CTNNA2: variants seen among roughly 807,000 people sequenced by gnomAD.
The protein encoded by CTNNA2 is catenin alpha-2.
CTNNA2 carries 42 observed loss-of-function variants against 101.0 expected under a neutral mutation model. That is an observed-to-expected ratio of 0.42 (90% CI 0.32 to 0.54). The LOEUF (loss-of-function observed/expected upper bound fraction) is 0.54, where lower values mean the gene tolerates loss of function less well. Among genes scored for constraint, CTNNA2 ranks in the 20% least tolerant of loss-of-function variants. The pLI, the probability that CTNNA2 is intolerant of heterozygous loss-of-function variation, is 0.14. For synonymous variants in CTNNA2, 450 were observed against 456.4 expected (o/e 0.99, Z 0.18); for missense variants, 871 against 1,223.1 (o/e 0.71, Z 4.29).
At chr2:79,592,070 C>G (rs1676892480) in intron 1 of CTNNA2, among the ~76,000 whole-genome samples, 1 of 150,906 alleles carries the variant, frequency 6.6e-6, no homozygotes, top group Non-Finnish European at 1.5e-5. Context: ...GTCTCACTCA[C>G]ACTTTTCTGA....
rs1487263528 is a variant in CTNNA2 at position 80,648,729 on chromosome 2, A to G, written c.*857A>G. The G allele has an allele frequency of 6.6e-6, 1 of 152,144 alleles. No individual in the cohort carries two copies. Among genetic ancestry groups the G allele is most frequent in the Non-Finnish European group, 1.5e-5 (1 of 68,028 alleles). 9.4% of individuals were successfully genotyped at this position (152,144 alleles called of 1,614,324 possible). A position where few individuals can be genotyped will look rare whatever the true frequency, so the allele number is the denominator to read the frequency against. On this transcript the variant is annotated 3_prime_UTR_variant, in exon 19 of 19. Coordinates refer to ENST00000402739, the MANE Select transcript of CTNNA2 (RefSeq NM_001282597.3). ...GGTGTAGCTTGGAGTGCTGGTATCTAATATACCATTGTATTCACTAACTAA... is the reference window on the plus strand; with the variant it reads ...GGTGTAGCTTGGAGTGCTGGTATCTGATATACCATTGTATTCACTAACTAA...
chr2:80,525,340 T>G (rs1689942091), intron 9 of CTNNA2, among the ~76,000 whole-genome samples: 1 of 151,974 alleles, frequency 6.6e-6, no homozygotes, highest in South Asian at 2.1e-4. Flanking sequence ...ATAGGGCAGG[T>G]CCCGGAAGTC....
At chr2:79,379,448 GC>G (rs1400734327) in intron 4 of CTNNA2, among the ~76,000 whole-genome samples, 6 of 152,108 alleles carry the variant, frequency 3.9e-5, no homozygotes, top group Non-Finnish European at 8.8e-5. Flanking sequence ...CCACCATAGG[GC>G]CTTTATCATA....
At chr2:79,579,884 G>C (rs2566548) in intron 1 of CTNNA2, among the ~76,000 whole-genome samples, 93,260 of 151,806 alleles carry the variant, frequency 0.61, 30,229 homozygotes, top group Middle Eastern at 0.75. Context: ...AAAGTGCCGG[G>C]ATTACAGGTG....
At chr2:80,348,474 T>C (rs1357181336) in intron 7 of CTNNA2, among the ~76,000 whole-genome samples, 1 of 152,174 alleles carries the variant, frequency 6.6e-6, no homozygotes, top group Non-Finnish European at 1.5e-5. Context: ...AATAACTGCC[T>C]AAATTGCACA....
chr2:79,413,601 A>G (rs559218179), intron 4 of CTNNA2, among the ~76,000 whole-genome samples: 1 of 152,200 alleles, frequency 6.6e-6, no homozygotes, highest in South Asian at 2.1e-4. Flanking sequence ...GCTGAGTCAC[A>G]TAGTAGTTCT....
At chr2:79,570,501 C>T (rs1675397400) in intron 1 of CTNNA2, among the ~76,000 whole-genome samples, 1 of 152,158 alleles carries the variant, frequency 6.6e-6, no homozygotes, top group Middle Eastern at 3.4e-3. Flanking sequence ...AGAATCTGTA[C>T]ATGAAATTTG....
At chr2:80,005,638 A>G (rs418174) in intron 7 of CTNNA2, among the ~76,000 whole-genome samples, 94,219 of 151,660 alleles carry the variant, frequency 0.62, 30,410 homozygotes, top group East Asian at 0.76. Flanking sequence ...TAGATCAGCT[A>G]TGGGGAAGGG....
At chr2:79,853,943 C>CA (rs5832412) in intron 3 of CTNNA2, among the ~76,000 whole-genome samples, 39,446 of 151,950 alleles carry the variant, frequency 0.26, 5,427 homozygotes, top group Non-Finnish European at 0.31. Flanking sequence ...GCTGGGATTA[C>CA]AGGTGTGAGC....
intron 7 of CTNNA2, among the ~76,000 whole-genome samples, chr2:80,055,165 T>C (rs1418515196): frequency 6.6e-6 from 1 of 152,090 alleles, no homozygotes; most frequent in Non-Finnish European, 1.5e-5. Flanking sequence ...TAGCTGCGAC[T>C]ACAGGCGCAC....
intron 3 of CTNNA2, among the ~76,000 whole-genome samples, chr2:79,352,609 T>A (rs2104439859): frequency 6.6e-6 from 1 of 152,318 alleles, no homozygotes; most frequent in East Asian, 1.9e-4. Flanking sequence ...ATGTGGATTA[T>A]TTCATACCTT....
At chr2:79,214,432 C>T (rs558235021) in intron 2 of CTNNA2, among the ~76,000 whole-genome samples, 1 of 152,234 alleles carries the variant, frequency 6.6e-6, no homozygotes, top group South Asian at 2.1e-4. Flanking sequence ...ACCTGTAAGG[C>T]TCGTCTGGTT....
chr2:80,587,543 AG>A (rs1696084262), intron 14 of CTNNA2, among the ~76,000 whole-genome samples: 2 of 152,198 alleles, frequency 1.3e-5, no homozygotes, highest in Non-Finnish European at 2.9e-5. Flanking sequence ...GATCAACGAT[AG>A]ATCCATGTAA....
At chr2:80,035,368 G>A (rs1695580259) in intron 7 of CTNNA2, among the ~76,000 whole-genome samples, 1 of 152,136 alleles carries the variant, frequency 6.6e-6, no homozygotes, top group Non-Finnish European at 1.5e-5. Context: ...AAAAAATTGG[G>A]AAGATTAAAT....
intron 2 of CTNNA2, among the ~76,000 whole-genome samples, chr2:79,673,699 A>T (rs1682999201): frequency 6.6e-6 from 1 of 152,090 alleles, no homozygotes; most frequent in Non-Finnish European, 1.5e-5. Context: ...CCTATTAGAG[A>T]AAGAGAGTGT....
chr2:80,474,659 G>A (rs949481377), intron 9 of CTNNA2, among the ~76,000 whole-genome samples: 1 of 152,020 alleles, frequency 6.6e-6, no homozygotes, highest in Non-Finnish European at 1.5e-5. Context: ...AAACCAAAGG[G>A]CCTTCCTCGG....
intron 1 of CTNNA2, among the ~76,000 whole-genome samples, chr2:79,651,051 A>G (rs1681210468): frequency 1.3e-5 from 2 of 152,042 alleles, no homozygotes; most frequent in African/African-American, 4.8e-5. Flanking sequence ...AAATAGGAAC[A>G]CTTTTACACT....
At position 80,435,432 on chromosome 2, in the gene CTNNA2, A is replaced by T. The variant is rs80167312; in HGVS notation, c.1290+15831A>T. Among the ~76,000 whole-genome samples, 344 of 152,196 alleles carry T rather than the reference A, an allele frequency of 2.3e-3. 2 individuals are homozygous for T. Among genetic ancestry groups the T allele is most frequent in the Admixed American group, 3.7e-3 (57 of 15,292 alleles). Reference sequence around the variant, plus strand: ...CAATTTTTTTTTTCTCTGTGATCTTACTGCTGCTTATAATCTCACTATTTA... The same window carrying T: ...CAATTTTTTTTTTCTCTGTGATCTTTCTGCTGCTTATAATCTCACTATTTA... On this transcript the variant is annotated intron_variant, in intron 9 of 18. Transcript: ENST00000402739.
intron 7 of CTNNA2, among the ~76,000 whole-genome samples, chr2:80,170,364 G>A (rs1478490502): frequency 6.6e-6 from 1 of 152,006 alleles, no homozygotes; most frequent in African/African-American, 2.4e-5. Flanking sequence ...TTCTTTCTTT[G>A]ACAGTTTATC....
Sources: gnomAD v4.1 joint callset for allele counts (sites outside exome capture counted in the v4.1 genomes callset) on GRCh38, gnomAD v4.1.1 for gene constraint, MANE v1.5 for transcripts, NCBI Gene and HGNC (gene_info 2026-07-23, HGNC 2026-07-21) for gene names.